The following DNAJC2 variants were observed in gnomAD, a reference collection of about 807,000 sequenced individuals.
DNAJC2 encodes dnaJ homolog subfamily C member 2.
In DNAJC2, 32 loss-of-function variants were observed where a neutral mutation model predicts 94.0. That is an observed-to-expected ratio of 0.34 (90% confidence interval 0.26 to 0.46). DNAJC2 has a LOEUF of 0.46. DNAJC2 is among the 20% of genes least tolerant of loss of function. DNAJC2 has a pLI of 1.00. For missense variants in DNAJC2, 550 were observed against 719.5 expected (o/e 0.76, Z 2.69); for synonymous variants, 210 against 229.7 (o/e 0.91, Z 0.77).
chr7:103,312,403 C>G lies in DNAJC2; in HGVS notation c.*166G>C. On this transcript the variant is annotated 3_prime_UTR_variant, in exon 17 of 17. Coordinates refer to ENST00000379263, the MANE Select transcript of DNAJC2 (RefSeq NM_014377.3). ...ATCATACTTTCAAAGGATAAAAAGACTACCCCTCTGAAGGTTGTTTTGTAT... is the reference window on the plus strand; with the variant it reads ...ATCATACTTTCAAAGGATAAAAAGAGTACCCCTCTGAAGGTTGTTTTGTAT... The G allele has an allele frequency of 6.6e-7, 1 of 1,513,326 alleles. No individual in the cohort carries two copies. Among genetic ancestry groups the G allele is most frequent in the Non-Finnish European group, 8.8e-7 (1 of 1,140,040 alleles). 93.7% of individuals were successfully genotyped at this position (1,513,326 alleles called of 1,614,324 possible). A position where few individuals can be genotyped will look rare whatever the true frequency, so the allele number is the denominator to read the frequency against.
At chr7:103,341,996 G>C (rs1819390738) in intron 1 of DNAJC2, 42 bp from the exon 2 acceptor site, 1 of 1,389,524 alleles carries the variant, frequency 7.2e-7, no homozygotes, top group Non-Finnish European at 9.6e-7. Context: ...TGTATCGCAT[G>C]GAATAAATAT....
In DNAJC2 at chr7:103,344,617, C is replaced by A. The variant is rs775834142; in HGVS notation, c.6G>T (p.Leu2=). 1.9e-6 allele frequency: 3 copies of A among 1,611,272 alleles called. No homozygotes were observed. The highest frequency in any genetic ancestry group is 2.5e-6 in the Non-Finnish European group (3 of 1,179,942). ...GGCCGTCCGCGGCGCTTGGCAGAAGCAGCATGATGGCGCCGGGTCTAGCCC... is the reference window on the plus strand; with the variant it reads ...GGCCGTCCGCGGCGCTTGGCAGAAGAAGCATGATGGCGCCGGGTCTAGCCC... M[L]LLPSAADGRG... The change falls in exon 1 of 17, where the codon CTG becomes CTT. Residue 2 remains leucine, a synonymous_variant. Coordinates refer to ENST00000379263, the MANE Select transcript of DNAJC2 (RefSeq NM_014377.3).
Position 103,319,643 on chromosome 7 carries a change from G to T in DNAJC2, c.1208C>A (p.Thr403Lys). Reference protein sequence around the residue: ...QCLNETLTSCTKEVGKAALEK... With the variant: ...QCLNETLTSCKKEVGKAALEK... Reference sequence around the variant, plus strand: ...CAAAGCAGCCTTTCCTACTTCTTTTGTGCATGATGTGAGTGTTTCATTCAA... The same window carrying T: ...CAAAGCAGCCTTTCCTACTTCTTTTTTGCATGATGTGAGTGTTTCATTCAA... Residue 403 changes from threonine to lysine, a missense_variant, in exon 12 of 17, where the codon ACA becomes AAA. This residue lies in a region of DNAJC2 where 271 missense variants were observed against 302.6 expected (regional missense o/e 0.90). Coordinates refer to ENST00000379263, the MANE Select transcript of DNAJC2 (RefSeq NM_014377.3). 2 of 1,613,930 alleles carry T rather than the reference G, an allele frequency of 1.2e-6. No homozygotes were observed. The highest frequency in any genetic ancestry group is 1.7e-6 in the Non-Finnish European group (2 of 1,179,998).
At chr7:103,322,882 C>T in intron 7 of DNAJC2, 88 bp from the exon 8 acceptor site, 1 of 1,022,166 alleles carries the variant, frequency 9.8e-7, no homozygotes, top group South Asian at 1.5e-5. Flanking sequence ...TTTATATGTA[C>T]ATAACATCCT....
At chr7:103,331,943 A>G (rs1180073690) in intron 3 of DNAJC2, among the ~76,000 whole-genome samples, 2 of 151,956 alleles carry the variant, frequency 1.3e-5, no homozygotes, top group East Asian at 3.9e-4. Flanking sequence ...TAATTTGCAC[A>G]GTGGCTATGC....
Position 103,322,636 on chromosome 7 carries a change from GC to G in DNAJC2, c.812-5del. The G allele has an allele frequency of 6.2e-7, 1 of 1,612,806 alleles. No homozygotes were observed. The highest frequency in any genetic ancestry group is 1.1e-5 in the South Asian group (1 of 90,980). On this transcript the variant is annotated splice_region_variant and splice_polypyrimidine_tract_variant and intron_variant, in intron 8 of 16. Coordinates refer to ENST00000379263, the MANE Select transcript of DNAJC2 (RefSeq NM_014377.3). The stretch of plus-strand genomic sequence containing the variant: ...GGATCACAGCTGTATGCATTGTCTA[GC>G]AAAAGAAAAAGTTAATCTCATTTTG...
rs903858757 is a variant in DNAJC2, at chr7:103,344,753, A to C, written c.-131T>G. 3 of 904,216 alleles carry C rather than the reference A, an allele frequency of 3.3e-6. No individual in the cohort carries two copies. The highest frequency in any genetic ancestry group is 2.9e-5 in the South Asian group (2 of 68,064). 56.0% of individuals were successfully genotyped at this position (904,216 alleles called of 1,614,324 possible). On this transcript the variant is annotated 5_prime_UTR_variant, in exon 1 of 17. An upstream start codon of the reference 5' UTR is lost. Transcript: ENST00000379263. ...CTCTAAGACGCCCAGGAACCGGCGCATGGAGACGACCAGTAAGCACTTCCG... is the reference window on the plus strand; with the variant it reads ...CTCTAAGACGCCCAGGAACCGGCGCCTGGAGACGACCAGTAAGCACTTCCG...
In DNAJC2 at chr7:103,324,483, A is replaced by G. The variant is rs766115737; in HGVS notation, c.652T>C (p.Trp218Arg). 6.7e-7 allele frequency: 1 copy of G among 1,492,734 alleles called. No homozygotes were observed. 92.5% of individuals were successfully genotyped at this position (1,492,734 alleles called of 1,614,324 possible). A position where few individuals can be genotyped will look rare whatever the true frequency, so the allele number is the denominator to read the frequency against. ...FEDVDIFYSFWYNFDSWREFS... is the reference protein window; with the variant it reads ...FEDVDIFYSFRYNFDSWREFS... The stretch of plus-strand genomic sequence containing the variant: ...CATACAAACAGTATATTCACTTACC[A>G]GAAAGAATAAAATATATCTACATCT... The change falls in exon 6 of 17, where the codon TGG becomes CGG. Residue 218 changes from tryptophan to arginine, a missense_variant and splice_region_variant. Transcript: ENST00000379263.
intron 15 of DNAJC2, chr7:103,314,351 T>C: frequency 1.0e-6 from 1 of 985,428 alleles, no homozygotes; most frequent in Non-Finnish European, 1.2e-6. Context: ...GCTTGCTGTT[T>C]AATGGTACAA....
intron 12 of DNAJC2, among the ~76,000 whole-genome samples, 168 bp downstream of exon 12, chr7:103,319,441 C>CA (rs1444950983): frequency 1.3e-5 from 2 of 151,200 alleles, no homozygotes; most frequent in African/African-American, 4.9e-5. Context: ...TGTCTCAAAA[C>CA]AAAAAACCAA....
chr7:103,313,742 G>A, intron 15 of DNAJC2: 2 of 985,130 alleles, frequency 2.0e-6, no homozygotes, highest in South Asian at 9.4e-5. Flanking sequence ...ACTAAACCTT[G>A]TATATTTCAG....
At chr7:103,313,424 T>C in intron 15 of DNAJC2, 1 of 982,624 alleles carries the variant, frequency 1.0e-6, no homozygotes, top group Non-Finnish European at 1.2e-6. Flanking sequence ...TATAGTACTG[T>C]TGGACTCTTG....
In DNAJC2 at chr7:103,319,811, G is replaced by T; in HGVS notation, c.1117C>A (p.Arg373=). 1 of 1,614,102 alleles carries T rather than the reference G, an allele frequency of 6.2e-7. No individual in the cohort carries two copies. The highest frequency in any genetic ancestry group is 8.5e-7 in the Non-Finnish European group (1 of 1,180,014). The change falls in exon 11 of 17, where the codon CGG becomes AGG. Residue 373 remains arginine, a synonymous_variant. Coordinates refer to ENST00000379263, the MANE Select transcript of DNAJC2 (RefSeq NM_014377.3). ...TCCACTTCTTCCATCATTTTAACCC[G>T]CTCTGCCTCATTATCAGAAAAATGA... ...WNHFSDNEAE[R]VKMMEEVEKL... is the part of the protein sequence containing the mutation.
intron 9 of DNAJC2, 139 bp downstream of exon 9, chr7:103,322,372 T>G: frequency 1.1e-6 from 1 of 928,564 alleles, no homozygotes; most frequent in Non-Finnish European, 1.6e-6. Flanking sequence ...TTATACCAAC[T>G]GGTCATGATT....
intron 10 of DNAJC2, 26 bp from the exon 11 acceptor site, chr7:103,319,870 A>G: frequency 6.2e-7 from 1 of 1,609,076 alleles, no homozygotes; most frequent in Non-Finnish European, 8.5e-7. Context: ...CAAAAATAGT[A>G]TCTACACTCA....
intron 2 of DNAJC2, among the ~76,000 whole-genome samples, chr7:103,339,342 T>A (rs1819293289): frequency 6.6e-6 from 1 of 152,198 alleles, no homozygotes; most frequent in African/African-American, 2.4e-5. Context: ...ACAATCTACT[T>A]CTTTCTATAC....
Position 103,319,589 on chromosome 7 carries a change from G to C in DNAJC2, c.1242+20C>G, listed in dbSNP as rs377693338. 2 of 1,611,514 alleles carry C rather than the reference G, an allele frequency of 1.2e-6. No homozygotes were observed. The highest frequency in any genetic ancestry group is 1.7e-6 in the Non-Finnish European group (2 of 1,177,726). On this transcript the variant is annotated intron_variant, in intron 12 of 16. Coordinates refer to ENST00000379263, the MANE Select transcript of DNAJC2 (RefSeq NM_014377.3). ...AATTAAATGCTACATATAGGTAGGAGTGATGTGTTCCTCTATTACCTGTTT... is the reference window on the plus strand; with the variant it reads ...AATTAAATGCTACATATAGGTAGGACTGATGTGTTCCTCTATTACCTGTTT...
At chr7:103,324,682 C>A in intron 5 of DNAJC2, 120 bp from the exon 6 acceptor site, 1 of 966,918 alleles carries the variant, frequency 1.0e-6, no homozygotes, top group Non-Finnish European at 1.4e-6. Flanking sequence ...CCCTTCCCTA[C>A]AAACTCTACA....
intron 10 of DNAJC2, 70 bp from the exon 11 acceptor site, chr7:103,319,914 A>G: frequency 6.5e-7 from 1 of 1,533,322 alleles, no homozygotes; most frequent in Non-Finnish European, 9.0e-7. Flanking sequence ...ACAAAGCTGT[A>G]ATCCCAGCTA....
Sources: gnomAD v4.1 joint callset for allele counts (sites outside exome capture counted in the v4.1 genomes callset) on GRCh38, gnomAD v4.1.1 for gene constraint, gnomAD v4.1.1 regional missense constraint, MANE v1.5 for transcripts, NCBI Gene and HGNC (gene_info 2026-07-23, HGNC 2026-07-21) for gene names.